The following INTS1 variants were observed in gnomAD, a reference collection of about 807,000 sequenced individuals.
The protein encoded by INTS1 is integrator complex subunit 1.
In INTS1, 137 loss-of-function variants were observed where a neutral mutation model predicts 241.6. The ratio of observed to expected loss-of-function variants is 0.57; its 90% CI spans 0.49 to 0.65. The LOEUF is 0.65. Ranked by LOEUF, INTS1 falls within the 30% of genes least tolerant of loss-of-function variation. The pLI is 0.00. For missense variants in INTS1, 3,073 were observed against 3,032.2 expected (o/e 1.01, Z -0.32); for synonymous variants, 1,692 against 1,337.8 (o/e 1.26, Z -5.78).
intron 27 of INTS1, 58 bp downstream of exon 27, chr7:1,482,488 C>T: frequency 6.6e-7 from 1 of 1,525,896 alleles, no homozygotes; most frequent in Non-Finnish European, 8.9e-7. Flanking sequence ...AAGGAGCAGG[C>T]AAGGGGCCCG....
intron 32 of INTS1, 32 bp downstream of exon 32, chr7:1,478,694 C>A (rs780980001): frequency 6.6e-7 from 1 of 1,522,638 alleles, no homozygotes; most frequent in Non-Finnish European, 8.8e-7. Context: ...CCAGTGCCCC[C>A]CAGCCGTCTG....
chr7:1,478,160 G>A (rs1781816021), intron 33 of INTS1, among the ~76,000 whole-genome samples: 1 of 152,324 alleles, frequency 6.6e-6, no homozygotes, highest in South Asian at 2.1e-4. Flanking sequence ...GGGTGCAGCA[G>A]TGATCAGGGG....
At chr7:1,471,336 CT>C in intron 45 of INTS1, 112 bp from the exon 46 acceptor site, 4 of 1,183,462 alleles carry the variant, frequency 3.4e-6, no homozygotes, top group South Asian at 2.8e-5. Flanking sequence ...CCCTAGGCCC[CT>C]ATCCAGAAGG....
rs1782299173 is a variant in INTS1 at position 1,486,965 on chromosome 7, T to C, written c.2783A>G (p.Asp928Gly). Residue 928 changes from aspartate to glycine, a missense_variant, in exon 21 of 48, where the codon GAC (aspartate) becomes GGC (glycine). By Grantham distance (94) the Asp-to-Gly change is moderately conservative. Coordinates refer to ENST00000404767, the MANE Select transcript of INTS1 (RefSeq NM_001080453.3). The part of the protein sequence containing the change: ...AVDDAASGEE[D>G]DEGESKEQKA... ...CTGCTCCTTGCTCTCGCCCTCGTCG[T>C]CCTCCTCCCCGGAAGCAGCATCGTC... 5.6e-6 allele frequency: 9 copies of C among 1,607,886 alleles called. No homozygotes were observed. Among genetic ancestry groups the C allele is most frequent in the Non-Finnish European group, 6.8e-6 (8 of 1,179,262 alleles).
intron 39 of INTS1, among the ~76,000 whole-genome samples, chr7:1,475,639 C>G (rs942363143): frequency 5.9e-5 from 9 of 152,162 alleles, no homozygotes; most frequent in Non-Finnish European, 1.3e-4. Context: ...CTGTCACTGC[C>G]CCAAACTGAA....
chr7:1,473,484 C>A, intron 42 of INTS1, 82 bp downstream of exon 42: 1 of 1,484,384 alleles, frequency 6.7e-7, no homozygotes, highest in Non-Finnish European at 9.1e-7. Context: ...TGACACGACA[C>A]GGCCTTCCCA....
Position 1,489,632 on chromosome 7 carries a change from G to A in INTS1, c.2216C>T (p.Pro739Leu), listed in dbSNP as rs1161438958. Reference sequence around the variant, plus strand: ...GAATGCGGCGACGACCAGCAGGAGGGGCCAGGCCTTCCAGTAGAGGGTAGA... The same window carrying A: ...GAATGCGGCGACGACCAGCAGGAGGAGCCAGGCCTTCCAGTAGAGGGTAGA... ...AISTLYWKAW[P>L]LLLVVAAFNP... is the part of the protein sequence containing the mutation. The change falls in exon 17 of 48, where the codon CCC becomes CTC. Residue 739 changes from proline to leucine, a missense_variant. By Grantham distance (98) the Pro-to-Leu change is moderately conservative. Transcript: ENST00000404767. The A allele has an allele frequency of 1.3e-6, 2 of 1,591,496 alleles. No homozygotes were observed. The highest frequency in any genetic ancestry group is 1.7e-6 in the Non-Finnish European group (2 of 1,168,252).
intron 26 of INTS1, 67 bp downstream of exon 26, chr7:1,483,675 T>G (rs771184780): frequency 4.8e-6 from 6 of 1,237,656 alleles, no homozygotes; most frequent in Non-Finnish European, 7.1e-6. Context: ...CGGAAGCCGC[T>G]GGGTGTGGTC....
Position 1,474,148 on chromosome 7 carries a change from C to CA in INTS1, c.5829+19_5829+20insT. Reference sequence around the variant, plus strand: ...GAGGGAGTGGAAGGGAGCGCGAGGGCGGGCGGCGGGAGCACACACCAGCAG... The same window carrying CA: ...GAGGGAGTGGAAGGGAGCGCGAGGGCAGGGCGGCGGGAGCACACACCAGCAG... On this transcript the variant is annotated intron_variant, in intron 41 of 47. Transcript: ENST00000404767. The CA allele has an allele frequency of 6.5e-7, 1 of 1,541,154 alleles. No homozygotes were observed. The highest frequency in any genetic ancestry group is 1.4e-5 in the African/African-American group (1 of 73,632).
At position 1,489,035 on chromosome 7, in the gene INTS1, C is replaced by T. The variant is rs538286552; in HGVS notation, c.2318+309G>A. Among the ~76,000 whole-genome samples, 10 of 152,180 alleles carry T rather than the reference C, an allele frequency of 6.6e-5. No individual in the cohort carries two copies. The East Asian group carries it at 1.9e-3, about 29-fold the overall frequency. ...GCCACGTCCTCCAGCATCGCACCAC[C>T]CCCAGCCTGCCCAGTCCCCACTCCT... On this transcript the variant is annotated intron_variant, in intron 18 of 47. Transcript: ENST00000404767.
At chr7:1,496,650 C>T (rs528192567) in intron 11 of INTS1, among the ~76,000 whole-genome samples, 3 of 152,288 alleles carry the variant, frequency 2.0e-5, no homozygotes, top group Non-Finnish European at 2.9e-5. Context: ...AGGTCCTAGT[C>T]TGGCCACAGG....
chr7:1,502,137 G>C (rs1783213393), intron 3 of INTS1, among the ~76,000 whole-genome samples: 1 of 152,118 alleles, frequency 6.6e-6, no homozygotes, highest in Non-Finnish European at 1.5e-5. Flanking sequence ...GGCGCGGCTT[G>C]AACAGACACC....
chr7:1,491,947 G>A (rs1007341464), intron 16 of INTS1, among the ~76,000 whole-genome samples: 1 of 152,166 alleles, frequency 6.6e-6, no homozygotes, highest in African/African-American at 2.4e-5. Flanking sequence ...GTGAGATACC[G>A]TCTCACCCCA....
intron 41 of INTS1, 149 bp downstream of exon 41, chr7:1,474,019 A>AG: frequency 1.1e-6 from 1 of 930,018 alleles, no homozygotes; most frequent in Non-Finnish European, 1.6e-6. Flanking sequence ...GGGGCTTCCC[A>AG]GGGTGGGAGC....
chr7:1,477,509 C>A (rs765414312), intron 35 of INTS1, 41 bp downstream of exon 35: 4 of 1,471,812 alleles, frequency 2.7e-6, no homozygotes, highest in Middle Eastern at 2.5e-4. Flanking sequence ...AGAGCCTTTA[C>A]CCTGGGGTGG....
intron 46 of INTS1, 29 bp from the exon 47 acceptor site, chr7:1,470,984 C>A: frequency 1.3e-6 from 2 of 1,535,350 alleles, no homozygotes; most frequent in South Asian, 1.2e-5. Flanking sequence ...TCAGTGGGAA[C>A]CTCCACCCTG....
rs765213038 is a variant in INTS1 at position 1,486,958 on chromosome 7, C to CTCG, written c.2787_2789dup (p.Asp929dup). The CTCG allele has an allele frequency of 1.3e-5, 21 of 1,607,520 alleles. No homozygotes were observed. The highest frequency in any genetic ancestry group is 1.1e-4 in the African/African-American group (8 of 74,894). On this transcript the variant is annotated inframe_insertion, in exon 21 of 48. Coordinates refer to ENST00000404767, the MANE Select transcript of INTS1 (RefSeq NM_001080453.3). ...TGGCCTTCTGCTCCTTGCTCTCGCC[C>CTCG]TCGTCGTCCTCCTCCCCGGAAGCAG...
chr7:1,492,277 T>A (rs1280814508), intron 16 of INTS1, among the ~76,000 whole-genome samples: 6 of 152,176 alleles, frequency 3.9e-5, no homozygotes, highest in Non-Finnish European at 8.8e-5. Flanking sequence ...AGGACTTTGA[T>A]ACTGCCTCAT....
At chr7:1,471,871 C>G in intron 44 of INTS1, 1 of 590,506 alleles carries the variant, frequency 1.7e-6, no homozygotes, top group Non-Finnish European at 3.0e-6. Flanking sequence ...TCACGGCAGC[C>G]CCATATCCAG....
Sources: gnomAD v4.1 joint callset for allele counts (sites outside exome capture counted in the v4.1 genomes callset) on GRCh38, gnomAD v4.1.1 for gene constraint, MANE v1.5 for transcripts, NCBI Gene and HGNC (gene_info 2026-07-23, HGNC 2026-07-21) for gene names.